The following LYRM4 variants were observed in gnomAD, a reference collection of about 807,000 sequenced individuals.
LYRM4 encodes the protein LYR motif containing 4, also known as LYR motif-containing protein 4.
A neutral mutation model predicts 11.7 loss-of-function variants in LYRM4; 9 were observed. The observed-to-expected ratio is 0.77, with a 90% CI of 0.46 to 1.34. The LOEUF is 1.34. Ranked by LOEUF, LYRM4 falls within the 40% of genes most tolerant of loss-of-function variation. The pLI is 0.00. For missense variants in LYRM4, 133 were observed against 112.5 expected (o/e 1.18, Z -0.82); for synonymous variants, 42 against 40.4 (o/e 1.04, Z -0.15).
intron 2 of LYRM4, among the ~76,000 whole-genome samples, chr6:5,153,889 A>G (rs991438636): frequency 1.3e-4 from 20 of 152,212 alleles, no homozygotes; most frequent in African/African-American, 4.8e-4. Flanking sequence ...TTAGAAGTTG[A>G]ACATCCCAGA....
chr6:5,146,469 G>T (rs1757729853), intron 2 of LYRM4, among the ~76,000 whole-genome samples: 2 of 152,156 alleles, frequency 1.3e-5, no homozygotes, highest in African/African-American at 4.8e-5. Flanking sequence ...GCTGGAAAAG[G>T]GAGAGCCAGG....
intron 2 of LYRM4, among the ~76,000 whole-genome samples, chr6:5,124,764 C>T (rs1430296420): frequency 6.6e-6 from 1 of 152,234 alleles, no homozygotes; most frequent in African/African-American, 2.4e-5. Context: ...CAGTGGGTGC[C>T]GGCTTTACCG....
At chr6:5,100,083 C>T (rs150874296), downstream of LYRM4, among the ~76,000 whole-genome samples, 462 of 152,286 alleles carry the variant, frequency 3.0e-3, 1 homozygote, top group African/African-American at 0.01. Context: ...CTCAGCAGGA[C>T]GCGGTCCCCT....
chr6:5,111,113 G>C (rs1190178962), intron 2 of LYRM4, among the ~76,000 whole-genome samples: 14 of 152,124 alleles, frequency 9.2e-5, no homozygotes, highest in African/African-American at 3.4e-4. Flanking sequence ...CCTCCACCCT[G>C]AATAGTACAT....
chr6:5,038,877 G>A, the LYRM4 span, among the ~76,000 whole-genome samples: 2 of 9,500 alleles, frequency 2.1e-4, no homozygotes, highest in African/African-American at 5.4e-4. Context: ...GAAGGAGACC[G>A]TGGAGGGAGA....
chr6:5,171,784 A>G (rs1759443614), intron 2 of LYRM4, among the ~76,000 whole-genome samples: 2 of 152,210 alleles, frequency 1.3e-5, no homozygotes. Flanking sequence ...GTAGGTGATG[A>G]GATTTCCCCT....
At chr6:5,223,933 G>A (rs1762732062) in intron 1 of LYRM4, among the ~76,000 whole-genome samples, 1 of 152,166 alleles carries the variant, frequency 6.6e-6, no homozygotes, top group Non-Finnish European at 1.5e-5. Flanking sequence ...ACGGTCAACT[G>A]CATCGGCATG....
intron 2 of LYRM4, among the ~76,000 whole-genome samples, chr6:5,118,887 CTTGT>C (rs1763271095): frequency 6.6e-6 from 1 of 152,186 alleles, no homozygotes. Context: ...ATCCAGCAGG[CTTGT>C]TTTTCAAAAT....
intron 2 of LYRM4, among the ~76,000 whole-genome samples, chr6:5,139,245 C>T (rs965426680): frequency 6.6e-6 from 1 of 152,174 alleles, no homozygotes; most frequent in African/African-American, 2.4e-5. Context: ...TCCCAGGCAC[C>T]GCTGCATTTC....
Position 5,108,909 on chromosome 6 carries a change from T to G in LYRM4, c.*514A>C. The stretch of plus-strand genomic sequence containing the variant: ...ATCCCCGTAGCCCTGCCCTACTCCA[T>G]GCTGCCCCCAGTCTCAAGTGGTGCT... On this transcript the variant is annotated 3_prime_UTR_variant, in exon 3 of 3. Transcript: ENST00000330636. The G allele has an allele frequency of 1.0e-6, 1 of 994,200 alleles. No homozygotes were observed. The highest frequency in any genetic ancestry group is 1.1e-4 in the East Asian group (1 of 9,506). The allele number at this position is 994,200 out of a possible 1,614,324, so 61.6% of individuals were successfully genotyped here. A position where few individuals can be genotyped will look rare whatever the true frequency, so the allele number is the denominator to read the frequency against.
chr6:5,140,602 G>A (rs1032080282), intron 2 of LYRM4, among the ~76,000 whole-genome samples: 4 of 152,130 alleles, frequency 2.6e-5, no homozygotes, highest in African/African-American at 4.8e-5. Flanking sequence ...TGAGGATCCC[G>A]TTTCTGGAAC....
chr6:5,091,496 A>C, the LYRM4 span, among the ~76,000 whole-genome samples: 206 of 152,358 alleles, frequency 1.4e-3, 1 homozygote, highest in African/African-American at 4.8e-3. Context: ...CCGTAACTTC[A>C]GGCGCATTCA....
At chr6:5,255,365 C>T (rs1764617795) in intron 1 of LYRM4, among the ~76,000 whole-genome samples, 2 of 152,092 alleles carry the variant, frequency 1.3e-5, no homozygotes, top group Non-Finnish European at 2.9e-5. Flanking sequence ...TTCTATTAAG[C>T]CAAACATGAA....
At chr6:5,156,968 C>T (rs560576921) in intron 2 of LYRM4, among the ~76,000 whole-genome samples, 16 of 152,256 alleles carry the variant, frequency 1.1e-4, no homozygotes, top group Non-Finnish European at 2.2e-4. Context: ...GAAAAATAAA[C>T]ACACACCCCT....
chr6:5,256,491 G>GAAAAA (rs1161084364), intron 1 of LYRM4, among the ~76,000 whole-genome samples: 7 of 43,876 alleles, frequency 1.6e-4, no homozygotes, highest in Non-Finnish European at 2.2e-4. Flanking sequence ...ATTTCAACTG[G>GAAAAA]AAAAAAAAAA....
intron 2 of LYRM4, among the ~76,000 whole-genome samples, chr6:5,173,171 C>T (rs1198871905): frequency 1.3e-5 from 2 of 152,358 alleles, no homozygotes; most frequent in African/African-American, 2.4e-5. Flanking sequence ...CTGTTTTCAA[C>T]CATCTGTCCT....
the LYRM4 span, among the ~76,000 whole-genome samples, chr6:5,080,081 A>T: frequency 6.6e-6 from 1 of 152,244 alleles, no homozygotes; most frequent in African/African-American, 2.4e-5. Flanking sequence ...CTCGACATTG[A>T]AAAGAACTTG....
rs978182872 is a variant in LYRM4 at position 5,155,092 on chromosome 6, A to T, written c.208-45601T>A. On this transcript the variant is annotated intron_variant, in intron 2 of 2. Transcript: ENST00000330636. Reference sequence around the variant, plus strand: ...GTGAGACGGATCTTTTATTATTATTATTTTTTTGAGATAGAGTCTTGCTCT... The same window carrying T: ...GTGAGACGGATCTTTTATTATTATTTTTTTTTTGAGATAGAGTCTTGCTCT... Among the ~76,000 whole-genome samples the T allele has an allele frequency of 4.6e-5, 7 of 151,970 alleles. No homozygotes were observed. The South Asian group carries it at 6.2e-4, about 14-fold the overall frequency.
chr6:5,118,120 T>TTTTG (rs1204416120), intron 2 of LYRM4, among the ~76,000 whole-genome samples: 13,752 of 79,132 alleles, frequency 0.17, 785 homozygotes, highest in African/African-American at 0.21. Flanking sequence ...GTTTTGTTTT[T>TTTTG]TTTTTTGAGA....
Sources: gnomAD v4.1 joint callset for allele counts (sites outside exome capture counted in the v4.1 genomes callset) on GRCh38, gnomAD v4.1.1 for gene constraint, MANE v1.5 for transcripts, NCBI Gene and HGNC (gene_info 2026-07-23, HGNC 2026-07-21) for gene names.